The following PALM2AKAP2 variants were observed in gnomAD, a reference collection of about 807,000 sequenced individuals.
PALM2AKAP2 encodes PALM2-AKAP2 fusion protein.
In PALM2AKAP2, 37 loss-of-function variants were observed where a neutral mutation model predicts 71.5. That is an observed-to-expected ratio of 0.52 (90% CI 0.40 to 0.68). The LOEUF (loss-of-function observed/expected upper bound fraction) is 0.68. Among genes scored for constraint, PALM2AKAP2 ranks in the 30% least tolerant of loss-of-function variants. The pLI, the probability that PALM2AKAP2 is intolerant of heterozygous loss-of-function variation, is 0.00. For missense variants in PALM2AKAP2, 1,224 were observed against 1,191.8 expected (o/e 1.03, Z -0.40); for synonymous variants, 468 against 478.8 (o/e 0.98, Z 0.29).
intron 1 of PALM2AKAP2, among the ~76,000 whole-genome samples, chr9:109,677,425 T>C (rs1827663384): frequency 6.6e-6 from 1 of 152,098 alleles, no homozygotes; most frequent in African/African-American, 2.4e-5. Context: ...CCCAGCACTT[T>C]GGGAGGCCGA....
intron 1 of PALM2AKAP2, among the ~76,000 whole-genome samples, chr9:109,828,552 C>A (rs1042025217): frequency 1.5e-4 from 23 of 152,070 alleles, no homozygotes; most frequent in African/African-American, 4.8e-5. Flanking sequence ...TGCTTCCTGC[C>A]CATCTGCTCT....
chr9:109,878,343 TG>T (rs1829763969), intron 2 of PALM2AKAP2, among the ~76,000 whole-genome samples: 1 of 152,152 alleles, frequency 6.6e-6, no homozygotes, highest in African/African-American at 2.4e-5. Context: ...CATATTGAGG[TG>T]TGGGGGTGGA....
Position 110,136,006 on chromosome 9 carries a change from A to G in PALM2AKAP2, c.157-121A>G, listed in dbSNP as rs561045209. 45 of 1,281,166 alleles carry G rather than the reference A, an allele frequency of 3.5e-5. 1 individual carries two copies. In the South Asian group the frequency reaches 6.5e-4, roughly 19 times the overall value. 79.4% of individuals were successfully genotyped at this position (1,281,166 alleles called of 1,614,324 possible). On this transcript the variant is annotated intron_variant, in intron 1 of 3. Coordinates refer to ENST00000374525, the Ensembl canonical transcript of PALM2AKAP2. ...AGGGATTATTAGAAAATATCTATTC[A>G]AAAGAATTTGTCACTGTGGTTTCCA...
intron 1 of PALM2AKAP2, among the ~76,000 whole-genome samples, chr9:110,072,076 C>T (rs757732612): frequency 5.3e-5 from 8 of 152,182 alleles, no homozygotes; most frequent in African/African-American, 1.7e-4. Flanking sequence ...TTCTCTGAAC[C>T]AGTATAACCC....
At chr9:110,062,281 C>G (rs1833982029) in intron 1 of PALM2AKAP2, among the ~76,000 whole-genome samples, 1 of 151,802 alleles carries the variant, frequency 6.6e-6, no homozygotes, top group South Asian at 2.1e-4. Flanking sequence ...GTGTGTTGTT[C>G]CCTTCCCTGT....
chr9:110,111,086 C>CTTTTTT lies in PALM2AKAP2; in HGVS notation c.157-25023_157-25018dup, dbSNP rs34958946. 5.9e-3 allele frequency among the ~76,000 whole-genome samples: 497 copies of CTTTTTT among 84,170 alleles called. 10 individuals are homozygous for CTTTTTT. The highest frequency in any genetic ancestry group is 9.4e-3 in the East Asian group (23 of 2,456). The allele number at this position is 84,170 out of a possible 152,430, so 55.2% of individuals were successfully genotyped here. On this transcript the variant is annotated intron_variant, in intron 1 of 3. Transcript: ENST00000374525. Reference sequence around the variant, plus strand: ...TCCTTTTTTCTTTTCTTTCTTTCTTCTTTTTTTTTTTTTTTTTTTTTTTGA... The same window carrying CTTTTTT: ...TCCTTTTTTCTTTTCTTTCTTTCTTCTTTTTTTTTTTTTTTTTTTTTTTTTTTTTGA...
intron 1 of PALM2AKAP2, among the ~76,000 whole-genome samples, chr9:110,064,416 C>T (rs1432296490): frequency 6.6e-6 from 1 of 152,172 alleles, no homozygotes; most frequent in African/African-American, 2.4e-5. Context: ...GTCCTAGGCA[C>T]CCAGCAGTGA....
chr9:109,679,379 TTGTTCTCTTC>T (rs1228904861), intron 1 of PALM2AKAP2, among the ~76,000 whole-genome samples: 39 of 152,292 alleles, frequency 2.6e-4, no homozygotes, highest in Admixed American at 2.4e-3. Context: ...CCAGATGACT[TTGTTCTCTTC>T]TGTTCCATGG....
At chr9:109,764,869 G>A (rs1829124501) in intron 1 of PALM2AKAP2, among the ~76,000 whole-genome samples, 1 of 152,166 alleles carries the variant, frequency 6.6e-6, no homozygotes, top group South Asian at 2.1e-4. Context: ...GGAACTACAA[G>A]GTGAAACCTG....
chr9:109,815,253 G>A (rs1446874744), intron 1 of PALM2AKAP2, among the ~76,000 whole-genome samples: 2 of 152,160 alleles, frequency 1.3e-5, no homozygotes, highest in Non-Finnish European at 2.9e-5. Context: ...CATGGAAAGA[G>A]GGACATATTT....
intron 1 of PALM2AKAP2, among the ~76,000 whole-genome samples, chr9:110,117,953 A>T (rs1835399940): frequency 9.6e-5 from 1 of 10,414 alleles, no homozygotes; most frequent in East Asian, 0.17. Context: ...TGTAAGATAC[A>T]TATATATATA....
At chr9:109,930,472 C>A (rs138985079) in intron 5 of PALM2AKAP2, among the ~76,000 whole-genome samples, 37 of 152,288 alleles carry the variant, frequency 2.4e-4, no homozygotes, top group African/African-American at 8.9e-4. Flanking sequence ...GTGATCCACC[C>A]GCCTTGGTCT....
At chr9:110,168,684 T>C (rs1412984335) in exon 4 of PALM2AKAP2, 2 of 692,528 alleles carry the variant, frequency 2.9e-6, no homozygotes, top group African/African-American at 1.8e-5. Flanking sequence ...CATCAGACTC[T>C]GGACACCCAG....
At chr9:109,792,920 C>A (rs2118882936) in intron 1 of PALM2AKAP2, among the ~76,000 whole-genome samples, 1 of 152,264 alleles carries the variant, frequency 6.6e-6, no homozygotes, top group South Asian at 2.1e-4. Flanking sequence ...CATATTTTAT[C>A]TGGCAAGCCC....
At chr9:109,897,758 T>A (rs947247158) in intron 3 of PALM2AKAP2, among the ~76,000 whole-genome samples, 15 of 152,248 alleles carry the variant, frequency 9.9e-5, no homozygotes, top group African/African-American at 3.4e-4. Flanking sequence ...TTCACTTCAT[T>A]CAATATGAAA....
intron 7 of PALM2AKAP2, among the ~76,000 whole-genome samples, chr9:110,034,253 G>A (rs1833339186): frequency 6.6e-6 from 1 of 152,134 alleles, no homozygotes; most frequent in South Asian, 2.1e-4. Context: ...TGCCTCCTGG[G>A]CTCAAGCAAT....
Position 109,867,576 on chromosome 9 carries a change from G to A in PALM2AKAP2, c.126+5G>A, listed in dbSNP as rs773344766. 1.2e-6 allele frequency: 2 copies of A among 1,612,094 alleles called. No individual in the cohort carries two copies. Among genetic ancestry groups the A allele is most frequent in the Non-Finnish European group, 8.5e-7 (1 of 1,179,552 alleles). ...CTTCTGCTGCAGCATTCCAAGGTAA[G>A]CAGCTGATCCCAGGAACCTATTCCA... On this transcript the variant is annotated splice_donor_5th_base_variant and intron_variant, in intron 2 of 9. Coordinates refer to the PALM2AKAP2 transcript ENST00000302798.
chr9:109,757,319 A>G (rs1444128897), intron 1 of PALM2AKAP2, among the ~76,000 whole-genome samples: 1 of 152,170 alleles, frequency 6.6e-6, no homozygotes, highest in East Asian at 1.9e-4. Context: ...ACTTTGTAAG[A>G]ATCCCATACT....
At chr9:109,765,911 A>T (rs1172209107) in intron 1 of PALM2AKAP2, among the ~76,000 whole-genome samples, 1 of 152,162 alleles carries the variant, frequency 6.6e-6, no homozygotes, top group African/African-American at 2.4e-5. Flanking sequence ...GGGACTTGGT[A>T]TCAACCCAGT....
Sources: gnomAD v4.1 joint callset for allele counts (sites outside exome capture counted in the v4.1 genomes callset) on GRCh38, gnomAD v4.1.1 for gene constraint, MANE v1.5 for transcripts, NCBI Gene and HGNC (gene_info 2026-07-23, HGNC 2026-07-21) for gene names.